Variants in OMA1 observed in about 807,000 individuals in gnomAD.
The protein encoded by OMA1 is metalloendopeptidase OMA1, mitochondrial.
Under a neutral mutation model 30.9 loss-of-function variants are expected in OMA1, and 38 were observed. The observed-to-expected ratio is 1.23, with a 90% CI of 0.95 to 1.61. The LOEUF is 1.61. Among genes scored for constraint, OMA1 ranks in the 40% most tolerant of loss-of-function variants. The pLI, the probability that OMA1 is intolerant of heterozygous loss-of-function variation, is 0.00. For synonymous variants in OMA1, 173 were observed against 121.9 expected (o/e 1.42, Z -2.76); for missense variants, 461 against 349.2 (o/e 1.32, Z -2.55).
At chr1:58,521,564 T>C (rs774708170) in intron 7 of OMA1, among the ~76,000 whole-genome samples, 2 of 151,924 alleles carry the variant, frequency 1.3e-5, no homozygotes, top group Non-Finnish European at 2.9e-5. Flanking sequence ...AGCACCAATA[T>C]TAACAAAGGG....
intron 7 of OMA1, among the ~76,000 whole-genome samples, chr1:58,526,945 A>G (rs1353222945): frequency 3.3e-5 from 5 of 152,132 alleles, no homozygotes; most frequent in Admixed American, 3.3e-4. Context: ...TCTATGATCA[A>G]AAAATTTATA....
At position 58,506,048 on chromosome 1, in the gene OMA1, G is replaced by C; in HGVS notation, c.1365+12C>G. 1 of 855,592 alleles carries C rather than the reference G, an allele frequency of 1.2e-6. No individual in the cohort carries two copies. Among genetic ancestry groups the C allele is most frequent in the Non-Finnish European group, 2.0e-6 (1 of 490,642 alleles). 53.0% of individuals were successfully genotyped at this position (855,592 alleles called of 1,614,324 possible). A position where few individuals can be genotyped will look rare whatever the true frequency, so the allele number is the denominator to read the frequency against. On this transcript the variant is annotated intron_variant, in intron 8 of 8. Transcript: ENST00000371226. The stretch of plus-strand genomic sequence containing the variant: ...TAAAAATAATGTCCCGCCTTCTACG[G>C]TGTCAGCTCACCTGAGGTATAAGTC...
intron 7 of OMA1, among the ~76,000 whole-genome samples, chr1:58,506,797 G>A (rs1024063780): frequency 2.0e-5 from 3 of 152,084 alleles, no homozygotes; most frequent in Admixed American, 2.0e-4. Context: ...TGTTTATTAT[G>A]CACATCAATT....
intron 6 of OMA1, among the ~76,000 whole-genome samples, chr1:58,527,722 G>A (rs1356000605): frequency 2.0e-5 from 3 of 152,114 alleles, no homozygotes; most frequent in Non-Finnish European, 4.4e-5. Context: ...TCAAGAAAAC[G>A]TAGGCATATA....
intron 7 of OMA1, among the ~76,000 whole-genome samples, chr1:58,516,311 G>A (rs935946127): frequency 2.0e-5 from 3 of 152,298 alleles, no homozygotes; most frequent in Admixed American, 2.0e-4. Context: ...TGATAGTTTA[G>A]TTGCTTGTGA....
At chr1:58,507,688 G>A (rs1646011011) in intron 7 of OMA1, among the ~76,000 whole-genome samples, 1 of 152,010 alleles carries the variant, frequency 6.6e-6, no homozygotes, top group Admixed American at 6.5e-5. Context: ...TGCAAGATGT[G>A]TGTGTGCTTA....
At chr1:58,530,114 T>C (rs1034456994) in intron 6 of OMA1, among the ~76,000 whole-genome samples, 4 of 152,100 alleles carry the variant, frequency 2.6e-5, no homozygotes, top group Non-Finnish European at 5.9e-5. Flanking sequence ...ATCTCCTGAC[T>C]TCGTGATCCA....
chr1:58,523,465 G>A (rs917802811), intron 7 of OMA1, among the ~76,000 whole-genome samples: 2 of 152,088 alleles, frequency 1.3e-5, no homozygotes, highest in African/African-American at 4.8e-5. Context: ...CTGTTGTACT[G>A]AGCCTTAAAG....
chr1:58,522,632 G>C (rs1233696567), intron 7 of OMA1, among the ~76,000 whole-genome samples: 1 of 152,122 alleles, frequency 6.6e-6, no homozygotes, highest in African/African-American at 2.4e-5. Flanking sequence ...CCTCTGTGCA[G>C]TCAAAAATCC....
At chr1:58,484,378 T>A (rs768408568) in intron 8 of OMA1, among the ~76,000 whole-genome samples, 6 of 152,218 alleles carry the variant, frequency 3.9e-5, no homozygotes, top group Non-Finnish European at 7.4e-5. Context: ...AGATTATACT[T>A]TTTGTTATAT....
At chr1:58,491,148 C>T (rs1461969501) in intron 8 of OMA1, among the ~76,000 whole-genome samples, 2 of 152,148 alleles carry the variant, frequency 1.3e-5, no homozygotes, top group South Asian at 4.2e-4. Flanking sequence ...CCCAGAATTT[C>T]ATATCCAGCC....
intron 8 of OMA1, among the ~76,000 whole-genome samples, chr1:58,482,521 G>GCC (rs1645505393): frequency 6.6e-6 from 1 of 152,148 alleles, no homozygotes; most frequent in African/African-American, 2.4e-5. Flanking sequence ...AAGACATTTA[G>GCC]GGGAAAAAGC....
intron 6 of OMA1, 45 bp downstream of exon 6, chr1:58,530,556 T>C (rs1557455425): frequency 1.2e-6 from 1 of 827,366 alleles, no homozygotes; most frequent in Non-Finnish European, 2.1e-6. Context: ...TTAAAATATC[T>C]TCACCAGAGG....
At chr1:58,512,871 T>A (rs1420910786) in intron 7 of OMA1, among the ~76,000 whole-genome samples, 1 of 152,086 alleles carries the variant, frequency 6.6e-6, no homozygotes, top group African/African-American at 2.4e-5. Flanking sequence ...AAATTATAAA[T>A]TTAAGAGGGT....
intron 7 of OMA1, among the ~76,000 whole-genome samples, chr1:58,515,857 A>G (rs972570509): frequency 4.6e-5 from 7 of 152,212 alleles, no homozygotes; most frequent in Non-Finnish European, 7.4e-5. Flanking sequence ...GGTAGATTAA[A>G]TTAGCTCCAA....
intron 1 of OMA1, among the ~76,000 whole-genome samples, chr1:58,540,474 T>C (rs1398923478): frequency 1.3e-5 from 2 of 151,878 alleles, no homozygotes; most frequent in East Asian, 1.9e-4. Flanking sequence ...ATATTAGTTA[T>C]TGTAACTATA....
chr1:58,538,651 G>C lies in OMA1; in HGVS notation c.500+144C>G, dbSNP rs549204629. On this transcript the variant is annotated intron_variant, in intron 2 of 8. Coordinates refer to ENST00000371226, the MANE Select transcript of OMA1 (RefSeq NM_145243.5). ...TAGAAACTTCACTTTGAGCTAAATGGGGGGAGACAGGGGATCTGGCAAGGT... is the reference window on the plus strand; with the variant it reads ...TAGAAACTTCACTTTGAGCTAAATGCGGGGAGACAGGGGATCTGGCAAGGT... 39 of 491,560 alleles carry C rather than the reference G, an allele frequency of 7.9e-5. 1 individual carries two copies. The East Asian group carries it at 9.0e-4, about 11-fold the overall frequency. 30.4% of individuals were successfully genotyped at this position (491,560 alleles called of 1,614,324 possible).
At chr1:58,485,228 TAAAAAAAAAA>T (rs71043289) in intron 8 of OMA1, among the ~76,000 whole-genome samples, 193 of 42,070 alleles carry the variant, frequency 4.6e-3, no homozygotes, top group African/African-American at 0.017. Flanking sequence ...AGTCTACTAC[TAAAAAAAAAA>T]AAAAAAAAAA....
chr1:58,524,169 C>T (rs951539146), intron 7 of OMA1, among the ~76,000 whole-genome samples: 20 of 152,184 alleles, frequency 1.3e-4, no homozygotes, highest in Admixed American at 2.0e-4. Context: ...AATCTTGATG[C>T]TCATTAATAA....
Sources: allele counts gnomAD v4.1 joint callset (sites outside exome capture counted in the v4.1 genomes callset), GRCh38; gene constraint gnomAD v4.1.1; transcripts MANE v1.5; gene names NCBI Gene and HGNC (gene_info 2026-07-23, HGNC 2026-07-21).